Variants in ZNF500 observed in about 807,000 individuals in gnomAD.
The protein encoded by ZNF500 is zinc finger protein 500, also known as zinc finger protein with KRAB and SCAN domains 18.
In ZNF500, 31 loss-of-function variants were observed where a neutral mutation model predicts 30.1. The ratio of observed to expected loss-of-function variants is 1.03; its 90% CI spans 0.77 to 1.39. The LOEUF is 1.39. Ranked by LOEUF, ZNF500 falls within the 40% of genes most tolerant of loss-of-function variation. The pLI, the probability that ZNF500 is intolerant of heterozygous loss-of-function variation, is 0.00. For missense variants in ZNF500, 817 were observed against 657.8 expected, an observed-to-expected ratio of 1.24 and a Z score of -2.65; for synonymous variants, 392 against 282.0, an observed-to-expected ratio of 1.39 and a Z score of -3.91.
chr16:4,764,908 G>A (rs2082247037), intron 2 of ZNF500, among the ~76,000 whole-genome samples: 1 of 152,032 alleles, frequency 6.6e-6, no homozygotes, highest in Non-Finnish European at 1.5e-5. Flanking sequence ...TCTAACCAAA[G>A]TGCCCCCCAT....
Position 4,762,554 on chromosome 16 carries a change from C to A in ZNF500, c.598+19G>T. 1.2e-6 allele frequency: 2 copies of A among 1,601,618 alleles called. No individual in the cohort carries two copies. ...CTCCCCTGCACCACTTCTCATTCCT[C>A]CAAAGGGGTGCTACTCACCTCTCTC... is the stretch of plus-strand genomic sequence containing the variant. On this transcript the variant is annotated intron_variant, in intron 3 of 5. Coordinates refer to ENST00000219478, the MANE Select transcript of ZNF500 (RefSeq NM_021646.4).
chr16:4,747,287 G>A, downstream of ZNF500: 1 of 1,506,100 alleles, frequency 6.6e-7, no homozygotes, highest in South Asian at 1.3e-5. Flanking sequence ...CAGTAAGGAG[G>A]GCTGGGAGGG....
chr16:4,765,543 G>A (rs763508407), intron 2 of ZNF500, 22 bp downstream of exon 2: 18 of 1,561,460 alleles, frequency 1.2e-5, no homozygotes, highest in Non-Finnish European at 1.6e-5. Flanking sequence ...CCTCACCTGA[G>A]GGTCAAAATG....
At chr16:4,762,535 T>C (rs746542893) in intron 3 of ZNF500, 38 bp downstream of exon 3, 1 of 1,581,150 alleles carries the variant, frequency 6.3e-7, no homozygotes, top group Admixed American at 1.7e-5. Context: ...CTCCCTCCCC[T>C]GCACCACTTC....
intron 5 of ZNF500, among the ~76,000 whole-genome samples, chr16:4,759,854 T>G (rs1208783058): frequency 3.3e-5 from 5 of 152,166 alleles, no homozygotes; most frequent in Non-Finnish European, 7.3e-5. Context: ...CTGGCCAACA[T>G]GGTGATGAAA....
downstream of ZNF500, chr16:4,746,314 G>A: frequency 1.3e-6 from 2 of 1,529,956 alleles, no homozygotes; most frequent in African/African-American, 1.4e-5. Flanking sequence ...GACAAACCCA[G>A]CGCAGGTCAC....
At chr16:4,761,984 C>G (rs938907514) in intron 4 of ZNF500, among the ~76,000 whole-genome samples, 1 of 152,218 alleles carries the variant, frequency 6.6e-6, no homozygotes, top group African/African-American at 2.4e-5. Flanking sequence ...CCAAGAGATT[C>G]CTGTGCCCAG....
downstream of ZNF500, chr16:4,746,352 A>C (rs1485564366): frequency 6.2e-7 from 1 of 1,603,936 alleles, no homozygotes; most frequent in East Asian, 2.2e-5. Context: ...CTGACTCCAC[A>C]ACACCTGCTT....
downstream of ZNF500, chr16:4,747,146 G>C (rs901026673): frequency 3.3e-6 from 4 of 1,214,392 alleles, no homozygotes; most frequent in Non-Finnish European, 4.6e-6. Flanking sequence ...CGCACAGGGT[G>C]AGGGGGACGG....
At chr16:4,754,382 G>A (rs527256835) in intron 5 of ZNF500, among the ~76,000 whole-genome samples, 101 of 152,108 alleles carry the variant, frequency 6.6e-4, no homozygotes, top group Non-Finnish European at 1.0e-3. Flanking sequence ...AGAGGAGGCC[G>A]GGCATGGTGG....
chr16:4,746,967 G>C, downstream of ZNF500: 1 of 1,555,076 alleles, frequency 6.4e-7, no homozygotes, highest in Admixed American at 2.1e-5. Context: ...GGAGGAGGAG[G>C]AAGAGATGGC....
intron 5 of ZNF500, among the ~76,000 whole-genome samples, chr16:4,758,031 AGCTGGGATTATAG>A (rs2082155980): frequency 6.6e-6 from 1 of 150,524 alleles, no homozygotes; most frequent in African/African-American, 2.5e-5. Flanking sequence ...CCTCCCAAGT[AGCTGGGATTATAG>A]GCACCCGCCA....
intron 1 of ZNF500, among the ~76,000 whole-genome samples, chr16:4,766,358 T>C (rs1359603974): frequency 6.6e-6 from 1 of 152,208 alleles, no homozygotes; most frequent in Non-Finnish European, 1.5e-5. Context: ...GGGCAGTAGC[T>C]GACGCCTGTA....
At chr16:4,763,154 T>C in intron 2 of ZNF500, 1 of 983,566 alleles carries the variant, frequency 1.0e-6, no homozygotes. Flanking sequence ...TTCCAGCACT[T>C]TGGGAGGCCG....
At chr16:4,747,000 G>A (rs145198112), downstream of ZNF500, 523 of 1,538,936 alleles carry the variant, frequency 3.4e-4, 4 homozygotes, top group Middle Eastern at 1.7e-4. Context: ...CGCAGAGGGG[G>A]CATCTCCTTC....
chr16:4,763,734 C>A, intron 2 of ZNF500: 4 of 925,698 alleles, frequency 4.3e-6, no homozygotes, highest in Non-Finnish European at 5.0e-6. Context: ...GAACCCCAAA[C>A]ACTGAAGCTG....
chr16:4,753,356 G>A (rs1037411382), intron 5 of ZNF500, among the ~76,000 whole-genome samples: 5 of 152,228 alleles, frequency 3.3e-5, no homozygotes, highest in African/African-American at 1.2e-4. Flanking sequence ...TAGCTACTCA[G>A]GAGGCTGAGG....
chr16:4,754,339 T>C (rs967659013), intron 5 of ZNF500, among the ~76,000 whole-genome samples: 2 of 152,066 alleles, frequency 1.3e-5, no homozygotes, highest in Non-Finnish European at 2.9e-5. Flanking sequence ...GTTTGGCACG[T>C]ACTGAGCCTC....
chr16:4,745,128 T>C, downstream of ZNF500: 1 of 1,331,140 alleles, frequency 7.5e-7, no homozygotes, highest in Non-Finnish European at 1.0e-6. Flanking sequence ...TCAGTCACTC[T>C]CAAGCATCTG....
Sources: gnomAD v4.1 joint callset for allele counts (sites outside exome capture counted in the v4.1 genomes callset) on GRCh38, gnomAD v4.1.1 for gene constraint, MANE v1.5 for transcripts, NCBI Gene and HGNC (gene_info 2026-07-23, HGNC 2026-07-21) for gene names.